The following MANSC4 variants were observed in gnomAD, a reference collection of about 807,000 sequenced individuals.
MANSC4 encodes MANSC domain-containing protein 4.
In MANSC4, 11 loss-of-function variants were observed where a neutral mutation model predicts 11.4. That is an observed-to-expected ratio of 0.97 (90% confidence interval 0.61 to 1.60). The LOEUF is 1.60. MANSC4 is among the 40% of genes most tolerant of loss of function. MANSC4 has a pLI of 0.00. For synonymous variants in MANSC4, 123 were observed against 147.1 expected (o/e 0.84, Z 1.19); for missense variants, 354 against 404.6 (o/e 0.88, Z 1.07).
chr12:27,767,645 C>T (rs1269623375), intron 2 of MANSC4, among the ~76,000 whole-genome samples: 2 of 151,930 alleles, frequency 1.3e-5, no homozygotes, highest in Non-Finnish European at 2.9e-5. Context: ...TACAGTGAGC[C>T]AAGATCACGC....
intron 1 of MANSC4, among the ~76,000 whole-genome samples, chr12:27,771,813 A>AC (rs1944425860): frequency 6.6e-6 from 1 of 152,160 alleles, no homozygotes; most frequent in Non-Finnish European, 1.5e-5. Context: ...ATTTCTTTGA[A>AC]CTTAAGTTCT....
chr12:27,777,134 C>T (rs1373194007), intron 1 of MANSC4, among the ~76,000 whole-genome samples: 2 of 152,232 alleles, frequency 1.3e-5, no homozygotes, highest in African/African-American at 4.8e-5. Context: ...ATACCCCAGA[C>T]TCCCTGTCCA....
intron 1 of MANSC4, among the ~76,000 whole-genome samples, chr12:27,778,974 T>C (rs2062131626): frequency 6.6e-6 from 1 of 152,196 alleles, no homozygotes; most frequent in East Asian, 1.9e-4. Flanking sequence ...GTTCCAGCAA[T>C]TCTCCTGCCT....
intron 1 of MANSC4, among the ~76,000 whole-genome samples, chr12:27,778,577 C>CA (rs1491271918): frequency 5.2e-4 from 77 of 149,224 alleles, no homozygotes; most frequent in African/African-American, 1.8e-3. Flanking sequence ...AAAAAAAAAA[C>CA]CAAACACATA....
rs943061681 is a variant in MANSC4, at chr12:27,762,866, C to T, written c.895G>A (p.Gly299Ser). The change falls in exon 4 of 4, where the codon GGC (glycine) becomes AGC (serine). Residue 299 changes from glycine (G) to serine (S), a missense_variant. By Grantham distance (56) the Gly-to-Ser change is moderately conservative. Transcript: ENST00000381273. The part of the protein sequence containing the change: ...VALCTSVIFL[G>S]CCIVILASGC... ...GATGCCAGGATGACTATACAACAGCCGAGAAAGATGACAGAGGTGCAAAGG... is the reference window on the plus strand; with the variant it reads ...GATGCCAGGATGACTATACAACAGCTGAGAAAGATGACAGAGGTGCAAAGG... 16 of 1,551,904 alleles carry T rather than the reference C, an allele frequency of 1.0e-5. No individual in the cohort carries two copies. The highest frequency in any genetic ancestry group is 9.8e-5 in the Admixed American group (5 of 50,900).
intron 1 of MANSC4, among the ~76,000 whole-genome samples, chr12:27,779,282 G>A (rs1341647172): frequency 6.6e-6 from 1 of 152,222 alleles, no homozygotes; most frequent in Non-Finnish European, 1.5e-5. Flanking sequence ...AATTTTGTCA[G>A]ATCTTTTGCG....
intron 2 of MANSC4, among the ~76,000 whole-genome samples, chr12:27,769,040 G>A (rs189542939): frequency 2.3e-4 from 35 of 152,296 alleles, no homozygotes; most frequent in African/African-American, 8.2e-4. Context: ...CTGCTGCTGT[G>A]TAAGGTGAAC....
intron 2 of MANSC4, 148 bp downstream of exon 2, chr12:27,770,900 C>G: frequency 1.6e-6 from 1 of 609,206 alleles, no homozygotes; most frequent in Non-Finnish European, 2.8e-6. Context: ...CACTGGCTCT[C>G]TTACCTCTCC....
rs2062098021 is a variant in MANSC4, at chr12:27,771,036, A to G, written c.229+12T>C. 1.9e-6 allele frequency: 3 copies of G among 1,543,138 alleles called. No individual in the cohort carries two copies. Among genetic ancestry groups the G allele is most frequent in the Non-Finnish European group, 2.6e-6 (3 of 1,142,572 alleles). On this transcript the variant is annotated intron_variant, in intron 2 of 3. Transcript: ENST00000381273. ...CTTCTTATTTTTGCCCAAGCATATC[A>G]TGAATACTTACCATCCTTCCGAAGA...
At chr12:27,775,790 TG>T (rs2062117663) in intron 1 of MANSC4, among the ~76,000 whole-genome samples, 1 of 151,776 alleles carries the variant, frequency 6.6e-6, no homozygotes. Flanking sequence ...TTAAACTTTA[TG>T]TAAAAGTATA....
chr12:27,768,153 C>A (rs751987474), intron 2 of MANSC4, among the ~76,000 whole-genome samples: 1 of 152,034 alleles, frequency 6.6e-6, no homozygotes, highest in African/African-American at 2.4e-5. Context: ...AATCCTAGTA[C>A]TTTGGGAGGC....
At chr12:27,778,371 C>T (rs2062127744) in intron 1 of MANSC4, among the ~76,000 whole-genome samples, 1 of 151,914 alleles carries the variant, frequency 6.6e-6, no homozygotes, top group African/African-American at 2.4e-5. Flanking sequence ...ACAAATGTAA[C>T]CAAACTATGT....
intron 2 of MANSC4, among the ~76,000 whole-genome samples, chr12:27,768,557 A>G (rs923299069): frequency 1.3e-4 from 20 of 152,272 alleles, no homozygotes; most frequent in African/African-American, 4.1e-4. Context: ...CTATCCTCAC[A>G]AAAGTGCAAC....
At chr12:27,768,688 A>G (rs12368818) in intron 2 of MANSC4, among the ~76,000 whole-genome samples, 24,498 of 148,994 alleles carry the variant, frequency 0.16, 2,508 homozygotes, top group Non-Finnish European at 0.23. Flanking sequence ...GTGAAGTGGC[A>G]CAATCTTGGC....
chr12:27,763,994 A>G (rs1286630165), intron 3 of MANSC4, among the ~76,000 whole-genome samples: 1 of 152,150 alleles, frequency 6.6e-6, no homozygotes, highest in Non-Finnish European at 1.5e-5. Flanking sequence ...CGGCCTACCA[A>G]AGTGCTGGGG....
In MANSC4 at chr12:27,762,649, C is replaced by G; in HGVS notation, c.*89G>C. The stretch of plus-strand genomic sequence containing the variant: ...TACAGGCATGAACCACCACGCCCAG[C>G]CTATTTTTTTTTTTTAACCAAACTG... On this transcript the variant is annotated 3_prime_UTR_variant, in exon 4 of 4. Coordinates refer to ENST00000381273, the MANE Select transcript of MANSC4 (RefSeq NM_001146221.5). The G allele has an allele frequency of 8.8e-7, 1 of 1,136,556 alleles. No individual in the cohort carries two copies. The highest frequency in any genetic ancestry group is 1.2e-6 in the Non-Finnish European group (1 of 827,880). The allele number at this position is 1,136,556 out of a possible 1,614,324, so 70.4% of individuals were successfully genotyped here.
intron 2 of MANSC4, among the ~76,000 whole-genome samples, chr12:27,770,015 C>CAAAA (rs1193585957): frequency 6.6e-6 from 1 of 152,170 alleles, no homozygotes; most frequent in Non-Finnish European, 1.5e-5. Context: ...ATGTGACAGA[C>CAAAA]AAAACATCTA....
Position 27,780,189 on chromosome 12 carries a change from G to A in MANSC4, c.-307+21C>T. ...GAGGAGGGGCCGCCGGAGAGGCCGG[G>A]CGAGCGCGGGCGGCCCTCACCTCGC... is the stretch of plus-strand genomic sequence containing the variant. On this transcript the variant is annotated intron_variant, in intron 1 of 3. Transcript: ENST00000381273. This position sits in a 1 kb window ranked among gnomAD's most constrained non-coding sequence, Gnocchi z 8.8. 8 of 525,854 alleles carry A rather than the reference G, an allele frequency of 1.5e-5. 1 individual carries two copies. Among genetic ancestry groups the A allele is most frequent in the Non-Finnish European group, 2.2e-5 (8 of 365,312 alleles). 32.6% of individuals were successfully genotyped at this position (525,854 alleles called of 1,614,324 possible).
chr12:27,767,068 C>T (rs12367102), intron 2 of MANSC4, among the ~76,000 whole-genome samples: 25,590 of 152,028 alleles, frequency 0.17, 2,593 homozygotes, highest in Non-Finnish European at 0.23. Context: ...CAGCCTAGAC[C>T]TCCCGGGTCC....
Sources: allele counts gnomAD v4.1 joint callset (sites outside exome capture counted in the v4.1 genomes callset), GRCh38; gene constraint gnomAD v4.1.1; non-coding constraint Gnocchi (gnomAD v3.1); transcripts MANE v1.5; gene names NCBI Gene and HGNC (gene_info 2026-07-23, HGNC 2026-07-21).